BLOC1S3: variants seen among roughly 807,000 people sequenced by gnomAD.
The protein encoded by BLOC1S3 is biogenesis of lysosome-related organelles complex 1 subunit 3.
BLOC1S3 carries 7 observed loss-of-function variants against 9.1 expected under a neutral mutation model. The ratio of observed to expected loss-of-function variants is 0.77; its 90% CI spans 0.44 to 1.45. BLOC1S3 has a LOEUF of 1.45. Among genes scored for constraint, BLOC1S3 ranks in the 40% most tolerant of loss-of-function variants. The probability of loss-of-function intolerance (pLI) is 0.01; values close to 1 mark genes in which losing one functional copy is unlikely to be tolerated. For synonymous variants in BLOC1S3, 145 were observed against 158.4 expected, an observed-to-expected ratio of 0.92 and a Z score of 0.64; for missense variants, 307 against 315.2, an observed-to-expected ratio of 0.97 and a Z score of 0.20.
downstream of BLOC1S3, among the ~76,000 whole-genome samples, chr19:45,182,190 A>G (rs926651352): frequency 6.7e-6 from 1 of 150,272 alleles, no homozygotes; most frequent in African/African-American, 2.5e-5. Flanking sequence ...AAAAATACAA[A>G]AATTTTGGGC....
intron 3 of BLOC1S3, chr19:45,216,263 G>C (rs1969834052): frequency 6.4e-7 from 1 of 1,571,176 alleles, no homozygotes; most frequent in South Asian, 1.2e-5. Context: ...GCCCCTCCTG[G>C]CTTGTTATAC....
At chr19:45,192,951 C>T (rs11083764) in intron 2 of BLOC1S3, among the ~76,000 whole-genome samples, 67,114 of 151,230 alleles carry the variant, frequency 0.44, 14,964 homozygotes, top group Admixed American at 0.47. Context: ...CTGACCAACA[C>T]GGTGAAACCC....
chr19:45,205,147 C>T (rs1969717496), intron 3 of BLOC1S3, among the ~76,000 whole-genome samples: 1 of 149,124 alleles, frequency 6.7e-6, no homozygotes, highest in Admixed American at 6.8e-5. Flanking sequence ...TGACCCAACT[C>T]TATGCTGCCC....
intron 3 of BLOC1S3, chr19:45,213,492 A>G: frequency 9.9e-7 from 1 of 1,012,454 alleles, no homozygotes; most frequent in Non-Finnish European, 1.4e-6. Flanking sequence ...TGTCCCCTCC[A>G]GAGCCTTCCC....
At chr19:45,185,334 G>T (rs1215673598), downstream of BLOC1S3, among the ~76,000 whole-genome samples, 2 of 152,132 alleles carry the variant, frequency 1.3e-5, no homozygotes, top group Admixed American at 1.3e-4. Flanking sequence ...CAAATTGTTT[G>T]TTGAATGAAT....
chr19:45,212,958 T>TC, intron 3 of BLOC1S3: 1 of 1,252,654 alleles, frequency 8.0e-7, no homozygotes, highest in Non-Finnish European at 1.0e-6. Flanking sequence ...TAAGGGTCTT[T>TC]CTATCCCAGG....
intron 3 of BLOC1S3, among the ~76,000 whole-genome samples, chr19:45,214,653 C>T (rs1000471139): frequency 2.0e-5 from 3 of 151,610 alleles, no homozygotes; most frequent in African/African-American, 7.3e-5. Flanking sequence ...TTAGTAGAGA[C>T]GGTGTTTCAC....
intron 3 of BLOC1S3, chr19:45,213,237 AG>A (rs1261630384): frequency 6.2e-7 from 1 of 1,612,792 alleles, no homozygotes; most frequent in Non-Finnish European, 8.5e-7. Context: ...CACGGTCCCG[AG>A]GGGGTGACAG....
chr19:45,182,298 C>T (rs1257584966), downstream of BLOC1S3, among the ~76,000 whole-genome samples: 1 of 152,060 alleles, frequency 6.6e-6, no homozygotes, highest in African/African-American at 2.4e-5. Flanking sequence ...TCGCTTGAAC[C>T]CTGGAGGCAG....
At chr19:45,215,861 G>A (rs1386418725) in intron 3 of BLOC1S3, among the ~76,000 whole-genome samples, 1 of 152,218 alleles carries the variant, frequency 6.6e-6, no homozygotes, top group Non-Finnish European at 1.5e-5. Flanking sequence ...GTTTGTTTGT[G>A]AGCCCTGGTG....
At chr19:45,216,027 A>G in intron 3 of BLOC1S3, 1 of 1,605,758 alleles carries the variant, frequency 6.2e-7, no homozygotes, top group Non-Finnish European at 8.5e-7. Context: ...CCGCCAGGAG[A>G]CCTCGGCCAG....
chr19:45,185,004 G>T (rs1350433010), downstream of BLOC1S3, among the ~76,000 whole-genome samples: 2 of 151,892 alleles, frequency 1.3e-5, no homozygotes, highest in East Asian at 3.9e-4. Flanking sequence ...AGGGGTCATG[G>T]CATGTTTGTA....
chr19:45,190,682 G>T (rs377187556), intron 2 of BLOC1S3, among the ~76,000 whole-genome samples: 2 of 151,350 alleles, frequency 1.3e-5, no homozygotes, highest in Non-Finnish European at 2.9e-5. Flanking sequence ...GATTACAGGC[G>T]CCAGCCACTG....
chr19:45,179,181 A>C lies in BLOC1S3; in HGVS notation c.-9-107A>C. 1 of 1,282,220 alleles carries C rather than the reference A, an allele frequency of 7.8e-7. No homozygotes were observed. Among genetic ancestry groups the C allele is most frequent in the Non-Finnish European group, 1.0e-6 (1 of 983,956 alleles). The allele number at this position is 1,282,220 out of a possible 1,614,324, so 79.4% of individuals were successfully genotyped here. ...GAGGCCCAGACGGGGAGCAGCTGAC[A>C]CCAAGTCGTTAAGAGAATCAGCGAA... is the stretch of plus-strand genomic sequence containing the variant. On this transcript the variant is annotated intron_variant, in intron 1 of 1. Coordinates refer to ENST00000433642, the MANE Select transcript of BLOC1S3 (RefSeq NM_212550.5). The surrounding 1 kb of genome is among the most constrained non-coding windows in gnomAD (Gnocchi z 4.6).
intron 3 of BLOC1S3, among the ~76,000 whole-genome samples, chr19:45,213,922 C>T (rs1440991648): frequency 6.6e-6 from 1 of 152,006 alleles, no homozygotes; most frequent in African/African-American, 2.4e-5. Context: ...CCACTGCAGT[C>T]CAGCCTGGGT....
At chr19:45,201,197 T>C (rs1450669158) in intron 2 of BLOC1S3, among the ~76,000 whole-genome samples, 2 of 131,310 alleles carry the variant, frequency 1.5e-5, no homozygotes, top group African/African-American at 2.9e-5. Flanking sequence ...AGTAAGACCC[T>C]GTCTCAAAAA....
intron 2 of BLOC1S3, among the ~76,000 whole-genome samples, chr19:45,194,469 G>T (rs751792700): frequency 6.6e-6 from 1 of 152,010 alleles, no homozygotes; most frequent in African/African-American, 2.4e-5. Context: ...ACCCGCGATC[G>T]TTCCATTTAT....
At chr19:45,216,083 G>C in intron 3 of BLOC1S3, 2 of 1,613,836 alleles carry the variant, frequency 1.2e-6, no homozygotes, top group Non-Finnish European at 1.7e-6. Context: ...CTGATGTCTG[G>C]GTAGTCGCGC....
intron 2 of BLOC1S3, among the ~76,000 whole-genome samples, chr19:45,191,043 G>C (rs1012965813): frequency 6.6e-6 from 1 of 151,398 alleles, no homozygotes; most frequent in Admixed American, 6.6e-5. Flanking sequence ...CTGACCTCAC[G>C]ATCCGCCCGC....
Sources: gnomAD v4.1 joint callset for allele counts (sites outside exome capture counted in the v4.1 genomes callset) on GRCh38, gnomAD v4.1.1 for gene constraint, Gnocchi (gnomAD v3.1) non-coding constraint, MANE v1.5 for transcripts, NCBI Gene and HGNC (gene_info 2026-07-23, HGNC 2026-07-21) for gene names.